The following GALNT18 variants were observed in gnomAD, a reference collection of about 807,000 sequenced individuals.
GALNT18 encodes the protein polypeptide N-acetylgalactosaminyltransferase 18.
GALNT18 carries 44 observed loss-of-function variants against 69.5 expected under a neutral mutation model. That is an observed-to-expected ratio of 0.63 (90% CI 0.50 to 0.81). The LOEUF (loss-of-function observed/expected upper bound fraction) is 0.81. GALNT18 is among the 40% of genes least tolerant of loss of function. GALNT18 has a pLI of 0.00. For synonymous variants in GALNT18, 364 were observed against 318.2 expected, an observed-to-expected ratio of 1.14 and a Z score of -1.53; for missense variants, 715 against 810.0, an observed-to-expected ratio of 0.88 and a Z score of 1.42.
In GALNT18 at chr11:11,538,168, T is replaced by G. The variant is rs914625086; in HGVS notation, c.235+83191A>C. Among the ~76,000 whole-genome samples the G allele has an allele frequency of 3.9e-5, 6 of 152,026 alleles. No homozygotes were observed. The highest frequency in any genetic ancestry group is 1.5e-4 in the African/African-American group (6 of 41,374). On this transcript the variant is annotated intron_variant, in intron 1 of 10. Coordinates refer to ENST00000227756, the MANE Select transcript of GALNT18 (RefSeq NM_198516.3). This position sits in a 1 kb window ranked among gnomAD's most constrained non-coding sequence, Gnocchi z 5.2. ...GAAGAGTGGGTGACTAGCTAAGGATTACACAAAAAGCAAGCAGCAGAGACA... is the reference window on the plus strand; with the variant it reads ...GAAGAGTGGGTGACTAGCTAAGGATGACACAAAAAGCAAGCAGCAGAGACA...
chr11:11,461,636 A>T lies in GALNT18; in HGVS notation c.236-12700T>A, dbSNP rs545459758. 2.0e-5 allele frequency among the ~76,000 whole-genome samples: 3 copies of T among 152,194 alleles called. No homozygotes were observed. Among genetic ancestry groups the T allele is most frequent in the Non-Finnish European group, 4.4e-5 (3 of 68,036 alleles). ...TCTAAATATACACTACACTGTTCAC[A>T]CATAAAACAGTGTTCCCAGTGTTTC... is the stretch of plus-strand genomic sequence containing the variant. On this transcript the variant is annotated intron_variant, in intron 1 of 10. Coordinates refer to ENST00000227756, the MANE Select transcript of GALNT18 (RefSeq NM_198516.3). This position sits in a 1 kb window ranked among gnomAD's most constrained non-coding sequence, Gnocchi z 4.1.
intron 6 of GALNT18, among the ~76,000 whole-genome samples, chr11:11,362,175 A>G (rs1280431964): frequency 6.6e-6 from 1 of 152,228 alleles, no homozygotes. Flanking sequence ...TGCAGGATCA[A>G]TTCTGAATGA....
In GALNT18 at chr11:11,556,579, C is replaced by T. The variant is rs187462201; in HGVS notation, c.235+64780G>A. Among the ~76,000 whole-genome samples the T allele has an allele frequency of 4.4e-4, 67 of 152,314 alleles. No individual in the cohort carries two copies. In the East Asian group the frequency reaches 0.011, roughly 24 times the overall value. ...TTCCTACCTCTGTTGAGTATTTTTG[C>T]GTTGCAAATGAAGTTGTGCCATGCA... On this transcript the variant is annotated intron_variant, in intron 1 of 10. Coordinates refer to ENST00000227756, the MANE Select transcript of GALNT18 (RefSeq NM_198516.3).
intron 9 of GALNT18, among the ~76,000 whole-genome samples, chr11:11,321,134 T>C (rs1307056074): frequency 6.6e-6 from 1 of 152,162 alleles, no homozygotes; most frequent in Non-Finnish European, 1.5e-5. Flanking sequence ...CCAACTGAAT[T>C]TCAAAACAAA....
At chr11:11,405,765 T>C (rs1290010589) in intron 3 of GALNT18, among the ~76,000 whole-genome samples, 3 of 152,254 alleles carry the variant, frequency 2.0e-5, no homozygotes, top group Non-Finnish European at 4.4e-5. Flanking sequence ...AGTTCACGTT[T>C]CCTGAGAGTG....
rs1318014643 is a variant in GALNT18, at chr11:11,595,511, GAC to G, written c.235+25846_235+25847del. On this transcript the variant is annotated intron_variant, in intron 1 of 10. Coordinates refer to ENST00000227756, the MANE Select transcript of GALNT18 (RefSeq NM_198516.3). This position sits in a 1 kb window ranked among gnomAD's most constrained non-coding sequence, Gnocchi z 5.2. ...TGTTATGGCAGCCGAGATGAACTAA[GAC>G]ACATTCTCTTCAATAGTGTATGAGG... 2.6e-5 allele frequency among the ~76,000 whole-genome samples: 4 copies of G among 152,154 alleles called. No individual in the cohort carries two copies. The highest frequency in any genetic ancestry group is 5.9e-5 in the Non-Finnish European group (4 of 68,016).
intron 4 of GALNT18, among the ~76,000 whole-genome samples, chr11:11,378,614 T>G (rs1327338695): frequency 6.6e-6 from 1 of 152,220 alleles, no homozygotes; most frequent in East Asian, 1.9e-4. Context: ...AATCTGGCAG[T>G]GGGAAAGCCC....
At chr11:11,281,156 C>G (rs1238638921) in intron 10 of GALNT18, among the ~76,000 whole-genome samples, 2 of 152,194 alleles carry the variant, frequency 1.3e-5, no homozygotes, top group Non-Finnish European at 2.9e-5. Flanking sequence ...CAGCCCCGCT[C>G]TCTAATTTGC....
intron 6 of GALNT18, among the ~76,000 whole-genome samples, chr11:11,345,180 C>T (rs1850281006): frequency 6.6e-6 from 1 of 152,158 alleles, no homozygotes. Flanking sequence ...TATGAAAGGG[C>T]ACTCATCTAT....
chr11:11,457,828 G>T (rs779836776), intron 1 of GALNT18, among the ~76,000 whole-genome samples: 13 of 152,108 alleles, frequency 8.5e-5, no homozygotes, highest in Non-Finnish European at 1.9e-4. Context: ...TGGGTGGGGA[G>T]TGGGGGCTAG....
intron 1 of GALNT18, among the ~76,000 whole-genome samples, chr11:11,528,499 C>G (rs1010121659): frequency 1.3e-5 from 2 of 152,140 alleles, no homozygotes; most frequent in Admixed American, 6.5e-5. Flanking sequence ...TAAGTGTGAG[C>G]TGAATTTGGC....
chr11:11,477,121 C>T (rs965755981), intron 1 of GALNT18, among the ~76,000 whole-genome samples: 7 of 152,312 alleles, frequency 4.6e-5, no homozygotes, highest in Non-Finnish European at 8.8e-5. Flanking sequence ...GTGCCTGACT[C>T]ATAGTGGAGA....
rs1850933405 is a variant in GALNT18, at chr11:11,372,526, G to A, written c.1081C>T (p.Leu361Phe). Residue 361 changes from leucine to phenylalanine, a missense_variant, in exon 6 of 11, where the codon CTT becomes TTT. By Grantham distance (22) the Leu-to-Phe change is conservative (BLOSUM62 0). Transcript: ENST00000227756. This position sits in a 1 kb window ranked among gnomAD's most constrained non-coding sequence, Gnocchi z 4.9. The stretch of plus-strand genomic sequence containing the variant: ...GAAACCCCACTCACCCTGATCCCAA[G>A]CTCCACATTCTCGCCCCCGTAGACT... ...MEVYGGENVE[L>F]GIRVWQCGGS... 6.2e-7 allele frequency: 1 copy of A among 1,613,872 alleles called. No homozygotes were observed. Among genetic ancestry groups the A allele is most frequent in the African/African-American group, 1.3e-5 (1 of 74,924 alleles).
At position 11,459,574 on chromosome 11, in the gene GALNT18, C is replaced by T. The variant is rs1282234336; in HGVS notation, c.236-10638G>A. ...GGGCTGAGCCCACCAGACTGAGGAG[C>T]TCTGGAGGCACCTCTGCCCTGGATT... On this transcript the variant is annotated intron_variant, in intron 1 of 10. Transcript: ENST00000227756. The surrounding 1 kb of genome is among the most constrained non-coding windows in gnomAD (Gnocchi z 5.0). Among the ~76,000 whole-genome samples the T allele has an allele frequency of 2.6e-5, 4 of 152,234 alleles. No individual in the cohort carries two copies. The highest frequency in any genetic ancestry group is 9.6e-5 in the African/African-American group (4 of 41,464).
intron 10 of GALNT18, among the ~76,000 whole-genome samples, chr11:11,284,435 T>TTGG (rs577449302): frequency 1.6e-3 from 243 of 152,242 alleles, no homozygotes; most frequent in African/African-American, 5.2e-3. Context: ...TGCTGTTTCA[T>TTGG]TGGTGGTGGT....
intron 3 of GALNT18, among the ~76,000 whole-genome samples, chr11:11,411,993 C>T (rs1854742033): frequency 6.6e-6 from 1 of 152,112 alleles, no homozygotes; most frequent in South Asian, 2.1e-4. Flanking sequence ...TCCCTGGAAA[C>T]AGAAATTTCA....
chr11:11,308,117 G>C (rs1353661609), intron 9 of GALNT18, among the ~76,000 whole-genome samples: 1 of 152,138 alleles, frequency 6.6e-6, no homozygotes, highest in African/African-American at 2.4e-5. Flanking sequence ...AACTCCAGTG[G>C]AAGATGGATC....
In GALNT18 at chr11:11,372,559, C is replaced by T. The variant is rs1347910422; in HGVS notation, c.1048G>A (p.Gly350Ser). 1 of 1,614,124 alleles carries T rather than the reference C, an allele frequency of 6.2e-7. No homozygotes were observed. The highest frequency in any genetic ancestry group is 8.5e-7 in the Non-Finnish European group (1 of 1,180,046). The change falls in exon 6 of 11, where the codon GGC (glycine) becomes AGC (serine). Residue 350 changes from glycine (G) to serine (S), a missense_variant. By Grantham distance (56) the Gly-to-Ser change is moderately conservative. Coordinates refer to ENST00000227756, the MANE Select transcript of GALNT18 (RefSeq NM_198516.3). The surrounding 1 kb of genome is among the most constrained non-coding windows in gnomAD (Gnocchi z 4.9). ...TTCTCGCCCCCGTAGACTTCCATGC[C>T]TTCGTCCAGCAGGCCGATCTCCTGG... ...YFQEIGLLDEGMEVYGGENVE... is the reference protein window; with the variant it reads ...YFQEIGLLDESMEVYGGENVE...
At chr11:11,589,404 C>A (rs1444542392) in intron 1 of GALNT18, among the ~76,000 whole-genome samples, 1 of 152,204 alleles carries the variant, frequency 6.6e-6, no homozygotes, top group Non-Finnish European at 1.5e-5. Context: ...TCAAAGGTAA[C>A]AAATGCCCAC....
Sources: gnomAD v4.1 joint callset for allele counts (sites outside exome capture counted in the v4.1 genomes callset) on GRCh38, gnomAD v4.1.1 for gene constraint, Gnocchi (gnomAD v3.1) non-coding constraint, MANE v1.5 for transcripts, NCBI Gene and HGNC (gene_info 2026-07-23, HGNC 2026-07-21) for gene names.